ARFGAP1: variants seen among roughly 807,000 people sequenced by gnomAD.
ARFGAP1 encodes the protein ARF GTPase activating protein 1.
ARFGAP1 carries 26 observed loss-of-function variants against 54.0 expected under a neutral mutation model. The ratio of observed to expected loss-of-function variants is 0.48; its 90% CI spans 0.35 to 0.67. The LOEUF (loss-of-function observed/expected upper bound fraction) is 0.67. Among genes scored for constraint, ARFGAP1 ranks in the 30% least tolerant of loss-of-function variants. The probability of loss-of-function intolerance (pLI) is 0.00; values close to 1 mark genes in which losing one functional copy is unlikely to be tolerated. For synonymous variants in ARFGAP1, 248 were observed against 211.9 expected, an observed-to-expected ratio of 1.17 and a Z score of -1.48; for missense variants, 525 against 535.8, an observed-to-expected ratio of 0.98 and a Z score of 0.20.
At chr20:63,285,041 A>T (rs1483785326) in intron 10 of ARFGAP1, 119 bp downstream of exon 10, 2 of 1,192,128 alleles carry the variant, frequency 1.7e-6, no homozygotes, top group Non-Finnish European at 2.4e-6. Flanking sequence ...GCCAAGCCTC[A>T]CACCCCACCT....
Position 63,276,701 on chromosome 20 carries a change from CG to C in ARFGAP1, c.342+51del. ...TGCCCATGGTGTGGGGCTGCCCTGC[CG>C]TTTGTGGCAGCTGGACTGTGGCCTT... On this transcript the variant is annotated intron_variant, in intron 4 of 12. Transcript: ENST00000370283. The surrounding 1 kb of genome is among the most constrained non-coding windows in gnomAD (Gnocchi z 5.2). The C allele has an allele frequency of 6.5e-7, 1 of 1,543,196 alleles. No homozygotes were observed. The highest frequency in any genetic ancestry group is 1.2e-5 in the South Asian group (1 of 81,078).
In ARFGAP1 at chr20:63,276,315, C is replaced by T; in HGVS notation, c.170+115C>T. The T allele has an allele frequency of 1.4e-6, 2 of 1,381,238 alleles. No individual in the cohort carries two copies. Among genetic ancestry groups the T allele is most frequent in the Non-Finnish European group, 2.0e-6 (2 of 988,660 alleles). 85.6% of individuals were successfully genotyped at this position (1,381,238 alleles called of 1,614,324 possible). On this transcript the variant is annotated intron_variant, in intron 3 of 12. Coordinates refer to ENST00000370283, the MANE Select transcript of ARFGAP1 (RefSeq NM_018209.4). This position sits in a 1 kb window ranked among gnomAD's most constrained non-coding sequence, Gnocchi z 5.2. ...TTGGGGGCCACCTCCCATTGCATTGCCAGTGTCCACTCTAGTGACGCCATG... is the reference window on the plus strand; with the variant it reads ...TTGGGGGCCACCTCCCATTGCATTGTCAGTGTCCACTCTAGTGACGCCATG...
At chr20:63,283,828 T>C (rs1161351504) in intron 9 of ARFGAP1, 42 of 1,613,446 alleles carry the variant, frequency 2.6e-5, no homozygotes, top group African/African-American at 8.0e-5. Context: ...TCTCCTCACC[T>C]GTCTTCTTGC....
chr20:63,275,141 T>A (rs56883060), intron 1 of ARFGAP1, among the ~76,000 whole-genome samples: 1,753 of 152,318 alleles, frequency 0.012, 30 homozygotes, highest in African/African-American at 0.04. Flanking sequence ...CTGGGCTCCC[T>A]GTCGTTGGCA....
At position 63,276,171 on chromosome 20, in the gene ARFGAP1, G is replaced by A. The variant is rs2067232142; in HGVS notation, c.141G>A (p.Gly47=). ...TCTGGATCTGCCTGGAGTGCTCGGG[G>A]AGACACCGCGGGCTTGGGGTTCACC... ...YGIWICLECS[G]RHRGLGVHLS... is the part of the protein sequence containing the mutation. Residue 47 remains glycine, a synonymous_variant, in exon 3 of 13, where the codon GGG becomes GGA. Transcript: ENST00000370283. The surrounding 1 kb of genome is among the most constrained non-coding windows in gnomAD (Gnocchi z 5.2). The A allele has an allele frequency of 6.2e-7, 1 of 1,613,946 alleles. No individual in the cohort carries two copies. Among genetic ancestry groups the A allele is most frequent in the South Asian group, 1.1e-5 (1 of 91,084 alleles).
chr20:63,279,681 C>T (rs1410418317), intron 7 of ARFGAP1, among the ~76,000 whole-genome samples: 4 of 152,152 alleles, frequency 2.6e-5, no homozygotes, highest in South Asian at 2.1e-4. Context: ...GGAAGTTGCT[C>T]GGGTGCTGCC....
intron 9 of ARFGAP1, 71 bp downstream of exon 9, chr20:63,282,922 C>T (rs987800576): frequency 4.6e-6 from 7 of 1,535,590 alleles, no homozygotes; most frequent in Non-Finnish European, 6.3e-6. Context: ...CGTGCAGCAC[C>T]TGAAGCTGCC....
In ARFGAP1 at chr20:63,284,989, G is replaced by A. The variant is rs994621028; in HGVS notation, c.774+67G>A. 7 of 1,570,024 alleles carry A rather than the reference G, an allele frequency of 4.5e-6. No homozygotes were observed. The African/African-American group carries it at 6.8e-5, about 15-fold the overall frequency. ...TCCAGGGGACGTGGGTGTGTCAGGG[G>A]TGTTAGGGGGATTGTTTGTCCAGCA... On this transcript the variant is annotated intron_variant, in intron 10 of 12. Coordinates refer to ENST00000370283, the MANE Select transcript of ARFGAP1 (RefSeq NM_018209.4).
At chr20:63,283,587 G>C in intron 9 of ARFGAP1, 3 of 487,058 alleles carry the variant, frequency 6.2e-6, no homozygotes, top group South Asian at 6.5e-5. Flanking sequence ...GTCTCCCCAC[G>C]TGCCCACCCC....
chr20:63,283,231 G>A (rs551587930), intron 9 of ARFGAP1: 18 of 306,094 alleles, frequency 5.9e-5, no homozygotes, highest in African/African-American at 1.7e-4. Context: ...CACTGGACGC[G>A]TCTGCACTTC....
intron 8 of ARFGAP1, among the ~76,000 whole-genome samples, chr20:63,281,936 C>T (rs769211095): frequency 4.6e-5 from 7 of 152,066 alleles, no homozygotes; most frequent in Non-Finnish European, 1.0e-4. Flanking sequence ...TGCAGCTGCC[C>T]GCAGAAGCAG....
intron 2 of ARFGAP1, among the ~76,000 whole-genome samples, 187 bp from the exon 3 acceptor site, chr20:63,275,904 G>T (rs949819917): frequency 2.0e-5 from 3 of 152,122 alleles, no homozygotes; most frequent in Admixed American, 6.5e-5. Context: ...GGACAGGTCC[G>T]CCTCGTCTTC....
chr20:63,279,134 C>A, intron 7 of ARFGAP1, 139 bp downstream of exon 7: 1 of 853,862 alleles, frequency 1.2e-6, no homozygotes, highest in Non-Finnish European at 1.9e-6. Flanking sequence ...CCCTTACCTT[C>A]AGCGACGTTT....
In ARFGAP1 at chr20:63,287,789, C is replaced by CGGCGGGGAG. The variant is rs549946755; in HGVS notation, c.1150_1158dup (p.Gly384_Gly386dup). ...CCACCAACAGGAACAGCAACAGCGA[C>CGGCGGGGAG]GGCGGGGAGGGCGGGGAGGGCACCA... On this transcript the variant is annotated inframe_insertion, in exon 13 of 13. Transcript: ENST00000370283. 7 of 1,568,196 alleles carry CGGCGGGGAG rather than the reference C, an allele frequency of 4.5e-6. No homozygotes were observed. The highest frequency in any genetic ancestry group is 1.4e-5 in the African/African-American group (1 of 73,790).
At chr20:63,279,112 C>G (rs993744256) in intron 7 of ARFGAP1, 117 bp downstream of exon 7, 13 of 1,028,196 alleles carry the variant, frequency 1.3e-5, no homozygotes, top group African/African-American at 4.8e-5. Flanking sequence ...TTGTTCTGAT[C>G]TAAGGACCCC....
intron 9 of ARFGAP1, chr20:63,283,913 G>T: frequency 6.2e-7 from 1 of 1,611,358 alleles, no homozygotes; most frequent in South Asian, 1.1e-5. Context: ...CATGCCGCCC[G>T]CATCTCCGCC....
chr20:63,284,965 C>T (rs1337549121), intron 10 of ARFGAP1, 43 bp downstream of exon 10: 1 of 1,607,534 alleles, frequency 6.2e-7, no homozygotes, highest in Admixed American at 1.7e-5. Flanking sequence ...GCCCTTCACT[C>T]CAGGGGACGT....
In ARFGAP1 at chr20:63,288,109, C is replaced by T; in HGVS notation, c.*236C>T. ...TGTGGGGGCCGTCCCGTCCCACACT[C>T]CCCTGGGCATTCTTGGACTCAAGGC... On this transcript the variant is annotated 3_prime_UTR_variant, in exon 13 of 13. Coordinates refer to ENST00000370283, the MANE Select transcript of ARFGAP1 (RefSeq NM_018209.4). The T allele has an allele frequency of 1.6e-6, 1 of 612,016 alleles. No homozygotes were observed. 37.9% of individuals were successfully genotyped at this position (612,016 alleles called of 1,614,324 possible). A position where few individuals can be genotyped will look rare whatever the true frequency, so the allele number is the denominator to read the frequency against.
chr20:63,272,843 G>C lies in ARFGAP1; in HGVS notation c.-82G>C, dbSNP rs2123181496. ...CTGGTGGCGGCTGGTGGGCGACCGGGCGCATCCTCATTGCAGTGCGGCGGC... is the reference window on the plus strand; with the variant it reads ...CTGGTGGCGGCTGGTGGGCGACCGGCCGCATCCTCATTGCAGTGCGGCGGC... On this transcript the variant is annotated 5_prime_UTR_variant, in exon 1 of 13. Coordinates refer to ENST00000370283, the MANE Select transcript of ARFGAP1 (RefSeq NM_018209.4). 6.6e-6 allele frequency: 1 copy of C among 152,476 alleles called. No homozygotes were observed. Among genetic ancestry groups the C allele is most frequent in the South Asian group, 2.1e-4 (1 of 4,830 alleles). 9.4% of individuals were successfully genotyped at this position (152,476 alleles called of 1,614,324 possible).
Sources: gnomAD v4.1 joint callset for allele counts (sites outside exome capture counted in the v4.1 genomes callset) on GRCh38, gnomAD v4.1.1 for gene constraint, Gnocchi (gnomAD v3.1) non-coding constraint, MANE v1.5 for transcripts, NCBI Gene and HGNC (gene_info 2026-07-23, HGNC 2026-07-21) for gene names.